Variants in ACTR5 observed in about 807,000 individuals in gnomAD.
The protein encoded by ACTR5 is actin related protein 5.
A neutral mutation model predicts 61.2 loss-of-function variants in ACTR5; 43 were observed. The ratio of observed to expected loss-of-function variants is 0.70; its 90% confidence interval spans 0.55 to 0.91. ACTR5 has a LOEUF of 0.91. Ranked by LOEUF, ACTR5 falls within the 40% of genes least tolerant of loss-of-function variation. The pLI is 0.00. For missense variants in ACTR5, 798 were observed against 782.2 expected (o/e 1.02, Z -0.24); for synonymous variants, 333 against 310.5 (o/e 1.07, Z -0.76).
Position 38,756,039 on chromosome 20 carries a change from G to C in ACTR5, c.1176G>C (p.Glu392Asp), listed in dbSNP as rs1258575963. 3.1e-6 allele frequency: 5 copies of C among 1,610,840 alleles called. No individual in the cohort carries two copies. Among genetic ancestry groups the C allele is most frequent in the Middle Eastern group, 2.0e-4 (1 of 4,998 alleles). Reference sequence around the variant, plus strand: ...TGGATGTGGTAGACAGCAAGCCAGAGGTAACTTAGGGCCTTGGAAGGAGCA... The same window carrying C: ...TGGATGTGGTAGACAGCAAGCCAGACGTAACTTAGGGCCTTGGAAGGAGCA... Reference protein sequence around the residue: ...LEVDVVDSKPETPDLEQLEPS... With the variant: ...LEVDVVDSKPDTPDLEQLEPS... Residue 392 changes from glutamate (E) to aspartate (D), a missense_variant and splice_region_variant, in exon 5 of 9, where the codon GAG (glutamate) becomes GAC (aspartate). Glu to Asp is a conservative substitution (Grantham distance 45). Coordinates refer to ENST00000243903, the MANE Select transcript of ACTR5 (RefSeq NM_024855.4).
At chr20:38,768,570 A>G (rs2084502025) in intron 8 of ACTR5, among the ~76,000 whole-genome samples, 1 of 152,152 alleles carries the variant, frequency 6.6e-6, no homozygotes, top group Non-Finnish European at 1.5e-5. Flanking sequence ...CTTGTAGGAG[A>G]CGCAGTGTCT....
In ACTR5 at chr20:38,769,544, C is replaced by T. The variant is rs114805297; in HGVS notation, c.1566+1948C>T. Among the ~76,000 whole-genome samples, 368 of 152,212 alleles carry T rather than the reference C, an allele frequency of 2.4e-3. 5 individuals are homozygous for T. The highest frequency in any genetic ancestry group is 8.5e-3 in the African/African-American group (354 of 41,526). On this transcript the variant is annotated intron_variant, in intron 8 of 8. Coordinates refer to ENST00000243903, the MANE Select transcript of ACTR5 (RefSeq NM_024855.4). ...TTTGCTGATTAAGAGATTCACTGAA[C>T]GAGGAGCCGCGGGAGGGAGGACAGG...
chr20:38,760,562 A>G (rs2084447520), intron 5 of ACTR5, among the ~76,000 whole-genome samples: 1 of 152,150 alleles, frequency 6.6e-6, no homozygotes, highest in African/African-American at 2.4e-5. Flanking sequence ...TTGATAATAG[A>G]GCATGTGGCA....
intron 8 of ACTR5, among the ~76,000 whole-genome samples, chr20:38,770,164 C>T (rs2084511808): frequency 6.6e-6 from 1 of 151,138 alleles, no homozygotes; most frequent in Non-Finnish European, 1.5e-5. Flanking sequence ...ATGAGTGTGT[C>T]ACACTGTCAC....
chr20:38,755,146 A>G lies in ACTR5; in HGVS notation c.965A>G (p.Glu322Gly). ...RREEKLQLDQ[E>G]RLDRLLYVQE... ...GAGGAGAAGCTGCAGCTGGATCAGG[A>G]GCGTCTGGACCGACTGCTATATGTG... Residue 322 changes from glutamate to glycine, a missense_variant, in exon 4 of 9, where the codon GAG becomes GGG. Glu to Gly is a moderately conservative substitution (Grantham distance 98, BLOSUM62 -2). Coordinates refer to ENST00000243903, the MANE Select transcript of ACTR5 (RefSeq NM_024855.4). 6.2e-7 allele frequency: 1 copy of G among 1,613,352 alleles called. No individual in the cohort carries two copies. The highest frequency in any genetic ancestry group is 8.5e-7 in the Non-Finnish European group (1 of 1,179,672).
chr20:38,754,418 T>C lies in ACTR5; in HGVS notation c.776-539T>C, dbSNP rs1293759602. On this transcript the variant is annotated intron_variant, in intron 3 of 8. Coordinates refer to ENST00000243903, the MANE Select transcript of ACTR5 (RefSeq NM_024855.4). ...ATGTCTGAAATGCTGGTACTGACTT[T>C]AAAAAAAACAATGGAGTCGGCCGGG... 2.0e-5 allele frequency among the ~76,000 whole-genome samples: 3 copies of C among 151,670 alleles called. No homozygotes were observed. In the South Asian group the frequency reaches 6.3e-4, roughly 32 times the overall value.
In ACTR5 at chr20:38,771,921, C is replaced by T. The variant is rs1187782320; in HGVS notation, c.*105C>T. ...GATGTACCTGCCCAAGTCTGCTGGT[C>T]ACATTTGGCAGCAAAATGGATTTCT... On this transcript the variant is annotated 3_prime_UTR_variant, in exon 9 of 9. Transcript: ENST00000243903. The T allele has an allele frequency of 1.4e-6, 2 of 1,429,968 alleles. No individual in the cohort carries two copies. Among genetic ancestry groups the T allele is most frequent in the East Asian group, 5.0e-5 (2 of 40,142 alleles). 88.6% of individuals were successfully genotyped at this position (1,429,968 alleles called of 1,614,324 possible).
At chr20:38,749,960 A>G (rs1292812077) in intron 1 of ACTR5, 50 bp from the exon 2 acceptor site, 2 of 1,528,638 alleles carry the variant, frequency 1.3e-6, no homozygotes, top group Non-Finnish European at 1.8e-6. Context: ...TATGCTTCAA[A>G]AAGAGTATTC....
intron 7 of ACTR5, among the ~76,000 whole-genome samples, chr20:38,766,903 G>C (rs537577432): frequency 6.6e-6 from 1 of 152,170 alleles, no homozygotes; most frequent in Non-Finnish European, 1.5e-5. Flanking sequence ...TGGTCATAAC[G>C]GCAGGGAAAC....
At chr20:38,761,097 A>G (rs1435456791) in intron 5 of ACTR5, among the ~76,000 whole-genome samples, 1 of 151,856 alleles carries the variant, frequency 6.6e-6, no homozygotes, top group East Asian at 1.9e-4. Flanking sequence ...TTGCTTTTTA[A>G]TTTTTTGTAG....
Position 38,771,840 on chromosome 20 carries a change from C to G in ACTR5, c.*24C>G, listed in dbSNP as rs750087987. The stretch of plus-strand genomic sequence containing the variant: ...AGCAGAGGCCCTCCAGAGAGACTGC[C>G]CTGCACGCCATGCCTTGGGCCACGT... On this transcript the variant is annotated 3_prime_UTR_variant, in exon 9 of 9. Transcript: ENST00000243903. 1.3e-6 allele frequency: 2 copies of G among 1,598,046 alleles called. No homozygotes were observed. Among genetic ancestry groups the G allele is most frequent in the South Asian group, 1.1e-5 (1 of 89,384 alleles).
At position 38,771,613 on chromosome 20, in the gene ACTR5, G is replaced by A; in HGVS notation, c.1621G>A (p.Ala541Thr). The change falls in exon 9 of 9, where the codon GCC becomes ACC. Residue 541 changes from alanine to threonine, a missense_variant. Transcript: ENST00000243903. ...LDAWYGARDW[A>T]LNHLDDNEVW... ...TGCCTGGTACGGTGCTCGTGACTGGGCCTTGAACCACCTAGATGATAATGA... is the reference window on the plus strand; with the variant it reads ...TGCCTGGTACGGTGCTCGTGACTGGACCTTGAACCACCTAGATGATAATGA... 2 of 1,614,180 alleles carry A rather than the reference G, an allele frequency of 1.2e-6. No individual in the cohort carries two copies. Among genetic ancestry groups the A allele is most frequent in the Non-Finnish European group, 1.7e-6 (2 of 1,180,034 alleles).
In ACTR5 at chr20:38,748,636, C is replaced by T; in HGVS notation, c.158C>T (p.Pro53Leu). Residue 53 changes from proline (P) to leucine (L), a missense_variant, in exon 1 of 9, where the codon CCA (proline) becomes CTA (leucine). Pro to Leu is a moderately conservative substitution (Grantham distance 98). Coordinates refer to ENST00000243903, the MANE Select transcript of ACTR5 (RefSeq NM_024855.4). ...RAGWACPGQDPGPEPRLQFRA... is the reference protein window; with the variant it reads ...RAGWACPGQDLGPEPRLQFRA... ...GGCTGGGCGTGTCCCGGGCAGGACCCAGGTCCCGAGCCGCGCCTGCAGTTC... is the reference window on the plus strand; with the variant it reads ...GGCTGGGCGTGTCCCGGGCAGGACCTAGGTCCCGAGCCGCGCCTGCAGTTC... 1 of 1,520,796 alleles carries T rather than the reference C, an allele frequency of 6.6e-7. No homozygotes were observed. The highest frequency in any genetic ancestry group is 8.8e-7 in the Non-Finnish European group (1 of 1,136,582). The allele number at this position is 1,520,796 out of a possible 1,614,324, so 94.2% of individuals were successfully genotyped here.
Position 38,750,628 on chromosome 20 carries a change from T to C in ACTR5, c.605+389T>C, listed in dbSNP as rs982349354. The stretch of plus-strand genomic sequence containing the variant: ...TTTGTTTTTTTTTTGTTTTTGTTTT[T>C]GTTTGTTTGTTTGTTTGTTTTTTGA... On this transcript the variant is annotated intron_variant, in intron 2 of 8. Transcript: ENST00000243903. Among the ~76,000 whole-genome samples, 28 of 145,604 alleles carry C rather than the reference T, an allele frequency of 1.9e-4. No homozygotes were observed. The East Asian group carries it at 5.2e-3, about 27-fold the overall frequency.
Position 38,755,093 on chromosome 20 carries a change from G to T in ACTR5, c.912G>T (p.Arg304=). ...KQERRQQQLR[R]LQELNARRRE... is the part of the protein sequence containing the mutation. Reference sequence around the variant, plus strand: ...AAAGGCGGCAGCAGCAATTGCGGCGGCTGCAGGAGCTCAATGCCCGGCGGC... The same window carrying T: ...AAAGGCGGCAGCAGCAATTGCGGCGTCTGCAGGAGCTCAATGCCCGGCGGC... Residue 304 remains arginine (R), a synonymous_variant, in exon 4 of 9, where the codon CGG becomes CGT. Coordinates refer to ENST00000243903, the MANE Select transcript of ACTR5 (RefSeq NM_024855.4). The T allele has an allele frequency of 6.2e-7, 1 of 1,614,222 alleles. No individual in the cohort carries two copies. Among genetic ancestry groups the T allele is most frequent in the Non-Finnish European group, 8.5e-7 (1 of 1,180,024 alleles).
chr20:38,767,814 C>A (rs1356401960), intron 8 of ACTR5, among the ~76,000 whole-genome samples: 4 of 152,146 alleles, frequency 2.6e-5, no homozygotes, highest in Non-Finnish European at 5.9e-5. Context: ...GCGTAGAATT[C>A]TAAGAGTGTG....
intron 6 of ACTR5, among the ~76,000 whole-genome samples, chr20:38,765,721 A>C (rs1041785745): frequency 2.6e-5 from 4 of 152,338 alleles, no homozygotes; most frequent in South Asian, 4.1e-4. Context: ...AATCTCTGAG[A>C]AACAGTCCAC....
intron 8 of ACTR5, among the ~76,000 whole-genome samples, chr20:38,768,772 C>T (rs539102978): frequency 2.0e-5 from 3 of 152,100 alleles, no homozygotes; most frequent in Admixed American, 2.0e-4. Context: ...CTACCAAGGC[C>T]CCACCCTTGT....
intron 2 of ACTR5, among the ~76,000 whole-genome samples, chr20:38,750,900 G>C (rs1313889279): frequency 1.3e-5 from 2 of 152,058 alleles, no homozygotes; most frequent in African/African-American, 4.8e-5. Context: ...CAACATGCTG[G>C]GATTACAGGG....
Sources: allele counts gnomAD v4.1 joint callset (sites outside exome capture counted in the v4.1 genomes callset), GRCh38; gene constraint gnomAD v4.1.1; transcripts MANE v1.5; gene names NCBI Gene and HGNC (gene_info 2026-07-23, HGNC 2026-07-21).